CCDC171: variants seen among roughly 807,000 people sequenced by gnomAD.
The protein encoded by CCDC171 is coiled-coil domain containing 171.
Under a neutral mutation model 168.2 loss-of-function variants are expected in CCDC171, and 177 were observed. That is an observed-to-expected ratio of 1.05 (90% confidence interval 0.93 to 1.19). The LOEUF (loss-of-function observed/expected upper bound fraction) is 1.19, where lower values mean the gene tolerates loss of function less well. Ranked by LOEUF, CCDC171 falls within the 50% of genes most tolerant of loss-of-function variation. The pLI is 0.00. For missense variants in CCDC171, 1,991 were observed against 1,539.0 expected (o/e 1.29, Z -4.91); for synonymous variants, 687 against 540.8 (o/e 1.27, Z -3.75).
At chr9:15,875,887 GTTAT>G (rs1397997070) in intron 24 of CCDC171, 2 of 151,932 alleles carry the variant, frequency 1.3e-5, no homozygotes, top group African/African-American at 4.8e-5. Flanking sequence ...TTGCTGTACT[GTTAT>G]TTAAGATGAG....
At chr9:15,988,936 C>G (rs929993753) in intron 3 of CCDC171, among the ~76,000 whole-genome samples, 1 of 152,086 alleles carries the variant, frequency 6.6e-6, no homozygotes, top group Non-Finnish European at 1.5e-5. Flanking sequence ...CCGGGAAGCT[C>G]GAACTGGGTG....
rs1218206446 is a variant in CCDC171, at chr9:15,619,351, G to A, written c.676-3916G>A. On this transcript the variant is annotated intron_variant, in intron 6 of 25. Coordinates refer to ENST00000380701, the MANE Select transcript of CCDC171 (RefSeq NM_173550.4). ...GAATGCAAAGGAAAAGTTCTTGAAG[G>A]AAATTAAAAGTGCTACTTTAGTGAA... 2.0e-5 allele frequency among the ~76,000 whole-genome samples: 3 copies of A among 152,192 alleles called. No individual in the cohort carries two copies. The East Asian group carries it at 5.8e-4, about 29-fold the overall frequency.
intron 1 of CCDC171, among the ~76,000 whole-genome samples, chr9:15,560,947 C>A (rs1049491986): frequency 6.6e-6 from 1 of 152,130 alleles, no homozygotes; most frequent in Non-Finnish European, 1.5e-5. Context: ...TTCTAACAGT[C>A]AGGACCCTCA....
At chr9:15,691,824 T>C (rs1232420344) in intron 10 of CCDC171, among the ~76,000 whole-genome samples, 1 of 151,992 alleles carries the variant, frequency 6.6e-6, no homozygotes, top group African/African-American at 2.4e-5. Flanking sequence ...CCTACAGGCA[T>C]GTGCCACCAT....
intron 3 of CCDC171, among the ~76,000 whole-genome samples, chr9:16,013,512 G>A (rs1028591866): frequency 7.9e-5 from 12 of 152,238 alleles, no homozygotes; most frequent in African/African-American, 2.9e-4. Context: ...GGAGGCAGGA[G>A]CATGTAGCAT....
chr9:16,019,431 T>C (rs1187269501), intron 3 of CCDC171, among the ~76,000 whole-genome samples: 1 of 152,214 alleles, frequency 6.6e-6, no homozygotes, highest in Non-Finnish European at 1.5e-5. Context: ...TTTTAAATTC[T>C]GTTGTTAGGA....
intron 16 of CCDC171, 80 bp from the exon 17 acceptor site, chr9:15,744,193 T>C: frequency 2.5e-6 from 3 of 1,176,864 alleles, no homozygotes; most frequent in Non-Finnish European, 3.5e-6. Context: ...CAGCAAAAGT[T>C]TGTTTTCTTT....
chr9:16,108,074 G>A, the CCDC171 span, among the ~76,000 whole-genome samples: 1 of 152,188 alleles, frequency 6.6e-6, no homozygotes, highest in African/African-American at 2.4e-5. Flanking sequence ...CAGTCGCAAA[G>A]TATTCTATAG....
intron 3 of CCDC171, among the ~76,000 whole-genome samples, chr9:16,006,386 G>A (rs753494252): frequency 1.1e-4 from 16 of 152,148 alleles, no homozygotes; most frequent in Non-Finnish European, 1.8e-4. Context: ...TGAGCTATTC[G>A]TATATCTTTG....
intron 1 of CCDC171, among the ~76,000 whole-genome samples, chr9:16,054,802 T>C (rs2133076813): frequency 6.6e-6 from 1 of 152,312 alleles, no homozygotes; most frequent in African/African-American, 2.4e-5. Context: ...GGGATATTTC[T>C]TAGTGGGGAG....
At chr9:15,721,581 A>G in intron 11 of CCDC171, among the ~76,000 whole-genome samples, 188 bp from the exon 12 acceptor site, 1 of 147,526 alleles carries the variant, frequency 6.8e-6, no homozygotes, top group African/African-American at 2.5e-5. Flanking sequence ...GCCATACAGC[A>G]GTATACTTGG....
intron 10 of CCDC171, among the ~76,000 whole-genome samples, chr9:15,692,778 C>T (rs1406027404): frequency 2.0e-5 from 3 of 151,442 alleles, no homozygotes; most frequent in East Asian, 2.0e-4. Flanking sequence ...CCACGCGCCT[C>T]GGCCTCCCAA....
At chr9:15,744,880 T>C in intron 17 of CCDC171, 103 bp downstream of exon 17, 1 of 1,049,656 alleles carries the variant, frequency 9.5e-7, no homozygotes, top group Non-Finnish European at 1.3e-6. Flanking sequence ...TCATGTAATA[T>C]GCCAAATAAT....
chr9:15,861,228 T>TC (rs59119530), intron 23 of CCDC171, among the ~76,000 whole-genome samples: 2 of 151,540 alleles, frequency 1.3e-5, no homozygotes, highest in Non-Finnish European at 2.9e-5. Context: ...TTTTTTTTTT[T>TC]AAATCCGTTC....
chr9:15,811,697 A>T (rs2135968354), intron 21 of CCDC171, among the ~76,000 whole-genome samples: 1 of 152,260 alleles, frequency 6.6e-6, no homozygotes, highest in Admixed American at 6.5e-5. Context: ...AGGAGACCTC[A>T]GATTCTGTTT....
At chr9:15,813,606 T>TTGTGTGTGTG (rs140437207) in intron 21 of CCDC171, among the ~76,000 whole-genome samples, 73 of 149,922 alleles carry the variant, frequency 4.9e-4, no homozygotes, top group Middle Eastern at 3.5e-3. Context: ...TTACATGTAT[T>TTGTGTGTGTG]TGTGTGTGTG....
intron 25 of CCDC171, 60 bp downstream of exon 25, chr9:15,920,482 T>C: frequency 8.0e-7 from 1 of 1,247,652 alleles, no homozygotes; most frequent in Non-Finnish European, 1.1e-6. Flanking sequence ...CATTTACATT[T>C]ATGTTTTTAA....
At chr9:15,687,054 G>A (rs564259757) in intron 10 of CCDC171, among the ~76,000 whole-genome samples, 2 of 152,286 alleles carry the variant, frequency 1.3e-5, no homozygotes, top group South Asian at 2.1e-4. Context: ...ATCATACAAA[G>A]TGTCTTCTCT....
At chr9:15,623,915 CT>C (rs1453359654) in intron 7 of CCDC171, among the ~76,000 whole-genome samples, 2 of 152,140 alleles carry the variant, frequency 1.3e-5, no homozygotes, top group Non-Finnish European at 2.9e-5. Flanking sequence ...GTGAATGATA[CT>C]GAAAATAACT....
Sources: gnomAD v4.1 joint callset for allele counts (sites outside exome capture counted in the v4.1 genomes callset) on GRCh38, gnomAD v4.1.1 for gene constraint, MANE v1.5 for transcripts, NCBI Gene and HGNC (gene_info 2026-07-23, HGNC 2026-07-21) for gene names.